Variants in FBXO15 observed in about 807,000 individuals in gnomAD.
The protein encoded by FBXO15 is F-box only protein 15.
FBXO15 carries 30 observed loss-of-function variants against 49.5 expected under a neutral mutation model. The ratio of observed to expected loss-of-function variants is 0.61; its 90% CI spans 0.45 to 0.82. FBXO15 has a LOEUF of 0.82. FBXO15 is among the 40% of genes least tolerant of loss of function. The probability of loss-of-function intolerance (pLI) is 0.00; values close to 1 mark genes in which losing one functional copy is unlikely to be tolerated. For synonymous variants in FBXO15, 250 were observed against 232.7 expected (o/e 1.07, Z -0.68); for missense variants, 591 against 631.5 (o/e 0.94, Z 0.69).
intron 1 of FBXO15, among the ~76,000 whole-genome samples, chr18:74,144,404 G>C (rs1175985141): frequency 6.6e-6 from 1 of 151,940 alleles, no homozygotes; most frequent in Non-Finnish European, 1.5e-5. Context: ...GTTGGGGGGT[G>C]GGGGTGTTGT....
At chr18:74,088,939 T>C (rs1373343632) in intron 8 of FBXO15, among the ~76,000 whole-genome samples, 1 of 152,214 alleles carries the variant, frequency 6.6e-6, no homozygotes, top group Non-Finnish European at 1.5e-5. Context: ...TTCACCTCCC[T>C]GGTCAGCTGT....
intron 8 of FBXO15, among the ~76,000 whole-genome samples, chr18:74,096,179 G>C (rs868763577): frequency 1.7e-4 from 26 of 152,146 alleles, no homozygotes; most frequent in African/African-American, 6.3e-4. Flanking sequence ...GTGCCTGAGA[G>C]AGAAATATCC....
chr18:74,093,602 C>T (rs993905885), intron 8 of FBXO15, among the ~76,000 whole-genome samples: 2 of 152,212 alleles, frequency 1.3e-5, no homozygotes, highest in Admixed American at 1.3e-4. Flanking sequence ...AGAAGCAACT[C>T]CTTATCCATT....
chr18:74,140,866 G>GAAACCATT (rs1202491201), intron 1 of FBXO15: 2 of 152,214 alleles, frequency 1.3e-5, no homozygotes, highest in East Asian at 3.8e-4. Context: ...GGATAAAACA[G>GAAACCATT]AAACCATTAA....
At chr18:74,083,916 T>C (rs1284755191) in intron 8 of FBXO15, among the ~76,000 whole-genome samples, 1 of 152,208 alleles carries the variant, frequency 6.6e-6, no homozygotes, top group African/African-American at 2.4e-5. Flanking sequence ...GAAGAATACT[T>C]TAACACCTTA....
chr18:74,144,075 G>A (rs746840933), intron 1 of FBXO15, among the ~76,000 whole-genome samples: 3 of 152,244 alleles, frequency 2.0e-5, no homozygotes, highest in South Asian at 4.1e-4. Context: ...GTATAACTGA[G>A]AAAGCAGGTT....
At chr18:74,077,424 C>T (rs538099738) in intron 9 of FBXO15, among the ~76,000 whole-genome samples, 1 of 152,316 alleles carries the variant, frequency 6.6e-6, no homozygotes, top group East Asian at 1.9e-4. Context: ...TAAGGCCCCT[C>T]ACATCAGATG....
chr18:74,130,520 T>G lies in FBXO15; in HGVS notation c.471A>C (p.Glu157Asp), dbSNP rs935223515. The change falls in exon 4 of 10, where the codon GAA becomes GAC. Residue 157 changes from glutamate (E) to aspartate (D), a missense_variant. Physicochemically the swap from Glu to Asp is conservative, Grantham distance 45 (BLOSUM62 2). Coordinates refer to ENST00000419743, the MANE Select transcript of FBXO15 (RefSeq NM_001142958.2). ...QDKEAGYWKK[E>D]YITKQIASVK... ...CAGATGCTATTTGTTTTGTGATATATTCTTTCTTCCAATAACCAGCTTCTT... is the reference window on the plus strand; with the variant it reads ...CAGATGCTATTTGTTTTGTGATATAGTCTTTCTTCCAATAACCAGCTTCTT... 6.2e-7 allele frequency: 1 copy of G among 1,614,206 alleles called. No homozygotes were observed. The highest frequency in any genetic ancestry group is 8.5e-7 in the Non-Finnish European group (1 of 1,180,020).
At chr18:74,118,447 T>C (rs977932780) in intron 8 of FBXO15, among the ~76,000 whole-genome samples, 1 of 151,526 alleles carries the variant, frequency 6.6e-6, no homozygotes, top group African/African-American at 2.4e-5. Context: ...CACACACACA[T>C]GTTGTATAAA....
At chr18:74,129,646 G>C in intron 4 of FBXO15, 32 bp from the exon 5 acceptor site, 1 of 1,546,272 alleles carries the variant, frequency 6.5e-7, no homozygotes, top group Non-Finnish European at 8.8e-7. Context: ...AACAATGTTT[G>C]CCTCATTGAA....
chr18:74,088,961 T>C (rs1390212813), intron 8 of FBXO15, among the ~76,000 whole-genome samples: 1 of 152,170 alleles, frequency 6.6e-6, no homozygotes, highest in Non-Finnish European at 1.5e-5. Context: ...TTCCTATTTG[T>C]AGGTATTTTA....
At chr18:74,101,675 G>T (rs546643085) in intron 8 of FBXO15, among the ~76,000 whole-genome samples, 10 of 152,192 alleles carry the variant, frequency 6.6e-5, no homozygotes, top group Admixed American at 6.5e-4. Flanking sequence ...TAAGCAAAAA[G>T]AACAAATCTG....
chr18:74,115,390 T>G (rs1914184119), intron 8 of FBXO15, among the ~76,000 whole-genome samples: 1 of 152,194 alleles, frequency 6.6e-6, no homozygotes, highest in Non-Finnish European at 1.5e-5. Context: ...TGGTTTGTTT[T>G]TAGTAACAGA....
In FBXO15 at chr18:74,147,711, G is replaced by A. The variant is rs1394522908; in HGVS notation, c.75C>T (p.Gly25=). ...GLQTLRGPSR[G]GGAARGRARA... Reference sequence around the variant, plus strand: ...TGGCGCGCCCCCGGGCCGCGCCACCGCCCCTGCTGGGCCCGCGCAGCGTCT... The same window carrying A: ...TGGCGCGCCCCCGGGCCGCGCCACCACCCCTGCTGGGCCCGCGCAGCGTCT... The change falls in exon 1 of 10, where the codon GGC becomes GGT. Residue 25 remains glycine (G), a synonymous_variant. Coordinates refer to ENST00000419743, the MANE Select transcript of FBXO15 (RefSeq NM_001142958.2). 2 of 1,526,614 alleles carry A rather than the reference G, an allele frequency of 1.3e-6. No homozygotes were observed. Among genetic ancestry groups the A allele is most frequent in the South Asian group, 1.2e-5 (1 of 82,572 alleles). The allele number at this position is 1,526,614 out of a possible 1,614,324, so 94.6% of individuals were successfully genotyped here.
chr18:74,130,938 C>T (rs76513152), intron 3 of FBXO15: 202 of 297,950 alleles, frequency 6.8e-4, no homozygotes, highest in African/African-American at 4.1e-3. Flanking sequence ...ATCATCCAAA[C>T]GACTGCCCTC....
intron 8 of FBXO15, among the ~76,000 whole-genome samples, chr18:74,117,891 T>C (rs919849837): frequency 1.3e-5 from 2 of 152,192 alleles, no homozygotes; most frequent in Non-Finnish European, 2.9e-5. Flanking sequence ...TCTGAAGTTC[T>C]AGACAGTCCA....
chr18:74,105,281 T>C (rs573973066), intron 8 of FBXO15, among the ~76,000 whole-genome samples: 1 of 152,298 alleles, frequency 6.6e-6, no homozygotes, highest in South Asian at 2.1e-4. Context: ...TATTTCAAAA[T>C]AGTTAGAATT....
At chr18:74,103,523 GACAAC>G (rs141307925) in intron 8 of FBXO15, among the ~76,000 whole-genome samples, 1,720 of 151,968 alleles carry the variant, frequency 0.011, 36 homozygotes, top group African/African-American at 0.039. Context: ...AAGAATACTA[GACAAC>G]ACCAAACAGA....
intron 8 of FBXO15, among the ~76,000 whole-genome samples, chr18:74,088,637 G>A (rs1370759863): frequency 2.0e-5 from 3 of 152,182 alleles, no homozygotes; most frequent in Admixed American, 6.5e-5. Context: ...CAGGAAATGT[G>A]ATGCCTCCAG....
Sources: gnomAD v4.1 joint callset for allele counts (sites outside exome capture counted in the v4.1 genomes callset) on GRCh38, gnomAD v4.1.1 for gene constraint, MANE v1.5 for transcripts, NCBI Gene and HGNC (gene_info 2026-07-23, HGNC 2026-07-21) for gene names.